The following ATXN1 variants were observed in gnomAD, a reference collection of about 807,000 sequenced individuals.
The protein encoded by ATXN1 is ataxin 1.
In ATXN1, 8 loss-of-function variants were observed where a neutral mutation model predicts 56.4. The observed-to-expected ratio is 0.14, with a 90% CI of 0.08 to 0.26. The LOEUF (loss-of-function observed/expected upper bound fraction) is 0.26, where lower values mean the gene tolerates loss of function less well. ATXN1 is among the 10% of genes least tolerant of loss of function. The pLI, the probability that ATXN1 is intolerant of heterozygous loss-of-function variation, is 1.00. For synonymous variants in ATXN1, 514 were observed against 494.6 expected (o/e 1.04, Z -0.52); for missense variants, 987 against 1,106.5 (o/e 0.89, Z 1.53).
intron 3 of ATXN1, among the ~76,000 whole-genome samples, chr6:16,618,576 C>T (rs997173381): frequency 6.6e-6 from 1 of 152,074 alleles, no homozygotes; most frequent in Non-Finnish European, 1.5e-5. Flanking sequence ...ACTAAAAATA[C>T]AAGAAATTAG....
intron 2 of ATXN1, among the ~76,000 whole-genome samples, chr6:16,679,515 G>A (rs529080965): frequency 3.3e-5 from 5 of 152,204 alleles, no homozygotes; most frequent in African/African-American, 1.2e-4. Flanking sequence ...GGGCGGTTAA[G>A]TTCAAAAGTT....
intron 3 of ATXN1, among the ~76,000 whole-genome samples, chr6:16,634,047 C>T (rs1358528266): frequency 3.9e-5 from 6 of 152,232 alleles, no homozygotes; most frequent in Admixed American, 3.3e-4. Context: ...TCCAGTTGAA[C>T]AAACCTATTA....
intron 6 of ATXN1, among the ~76,000 whole-genome samples, chr6:16,373,761 T>C (rs1431373279): frequency 4.6e-5 from 7 of 152,300 alleles, no homozygotes; most frequent in East Asian, 1.9e-4. Flanking sequence ...TCCACCATGA[T>C]TGTGAAGCCT....
At chr6:16,653,398 G>A (rs997673426) in intron 3 of ATXN1, among the ~76,000 whole-genome samples, 1 of 152,218 alleles carries the variant, frequency 6.6e-6, no homozygotes, top group South Asian at 2.1e-4. Context: ...ATCCTTTTCA[G>A]CAGCGGGACC....
At chr6:16,611,192 T>C (rs1477201535) in intron 3 of ATXN1, among the ~76,000 whole-genome samples, 1 of 152,150 alleles carries the variant, frequency 6.6e-6, no homozygotes, top group Non-Finnish European at 1.5e-5. Flanking sequence ...TATCTAACTT[T>C]AAAAAAGAAA....
intron 4 of ATXN1, among the ~76,000 whole-genome samples, chr6:16,556,646 C>T (rs1350880802): frequency 6.6e-6 from 1 of 152,164 alleles, no homozygotes; most frequent in Non-Finnish European, 1.5e-5. Context: ...AAACAGGCTC[C>T]ACCCCAAAGG....
chr6:16,699,876 A>C (rs1759246085), intron 2 of ATXN1, among the ~76,000 whole-genome samples: 1 of 152,170 alleles, frequency 6.6e-6, no homozygotes, highest in Non-Finnish European at 1.5e-5. Flanking sequence ...ACATTTTTTT[A>C]ATGTAAATTT....
At chr6:16,467,855 C>T (rs1760138021) in intron 6 of ATXN1, among the ~76,000 whole-genome samples, 1 of 152,176 alleles carries the variant, frequency 6.6e-6, no homozygotes, top group Non-Finnish European at 1.5e-5. Flanking sequence ...AAAAGCTGAA[C>T]CACTGCCTAC....
intron 2 of ATXN1, among the ~76,000 whole-genome samples, chr6:16,706,733 A>AT (rs1759416418): frequency 1.1e-5 from 1 of 90,384 alleles, no homozygotes; most frequent in Non-Finnish European, 2.3e-5. Context: ...CAAAAAAAAA[A>AT]AAAAAAAGGA....
chr6:16,754,001 A>G (rs1760806278), intron 1 of ATXN1: 1 of 152,258 alleles, frequency 6.6e-6, no homozygotes, highest in Non-Finnish European at 1.5e-5. Context: ...TGAATGTGTG[A>G]ATGGATGAAT....
intron 2 of ATXN1, among the ~76,000 whole-genome samples, chr6:16,728,375 A>G (rs931577379): frequency 6.6e-6 from 1 of 152,198 alleles, no homozygotes; most frequent in African/African-American, 2.4e-5. Flanking sequence ...GGGCAGAATG[A>G]GGACAGGTAA....
intron 7 of ATXN1, among the ~76,000 whole-genome samples, chr6:16,323,688 C>A (rs1197552584): frequency 6.6e-6 from 1 of 152,154 alleles, no homozygotes; most frequent in African/African-American, 2.4e-5. Context: ...AACAAAACCT[C>A]TTTTCACACC....
intron 6 of ATXN1, among the ~76,000 whole-genome samples, chr6:16,362,057 C>T (rs1305016185): frequency 2.0e-5 from 3 of 152,154 alleles, no homozygotes; most frequent in East Asian, 1.9e-4. Flanking sequence ...CTGGGTGAGC[C>T]GGGTCAGCCC....
chr6:16,649,317 C>T (rs1170257054), intron 3 of ATXN1, among the ~76,000 whole-genome samples: 1 of 151,888 alleles, frequency 6.6e-6, no homozygotes, highest in Non-Finnish European at 1.5e-5. Context: ...ATTCCTAGAG[C>T]AGAGTAGCCT....
At chr6:16,626,761 TA>T (rs1412789310) in intron 3 of ATXN1, among the ~76,000 whole-genome samples, 1 of 152,086 alleles carries the variant, frequency 6.6e-6, no homozygotes, top group Non-Finnish European at 1.5e-5. Context: ...GAGAGGTAAT[TA>T]AAACAAAATA....
chr6:16,742,168 GA>G lies in ATXN1; in HGVS notation c.-615+11064del, dbSNP rs1051191163. On this transcript the variant is annotated intron_variant, in intron 2 of 7. Transcript: ENST00000436367. Reference sequence around the variant, plus strand: ...TATGGGTCTATGACCACTTACAAAAGAAAAAAAAAATCCAAATCAAACCAAA... The same window carrying G: ...TATGGGTCTATGACCACTTACAAAAGAAAAAAAAATCCAAATCAAACCAAA... Among the ~76,000 whole-genome samples, 397 of 148,224 alleles carry G rather than the reference GA, an allele frequency of 2.7e-3. 3 individuals are homozygous for G. Among genetic ancestry groups the G allele is most frequent in the African/African-American group, 8.4e-3 (339 of 40,444 alleles).
intron 6 of ATXN1, among the ~76,000 whole-genome samples, chr6:16,435,513 C>T (rs948156669): frequency 6.6e-6 from 1 of 151,934 alleles, no homozygotes; most frequent in Admixed American, 6.6e-5. Flanking sequence ...TTCAGGAAGC[C>T]AAGGGAGGAA....
Position 16,679,822 on chromosome 6 carries a change from A to G in ATXN1, c.-614-21921T>C, listed in dbSNP as rs555498033. 5.9e-5 allele frequency among the ~76,000 whole-genome samples: 9 copies of G among 152,364 alleles called. No individual in the cohort carries two copies. In the East Asian group the frequency reaches 1.7e-3, roughly 29 times the overall value. ...GGTGTTTTCCAGCAAGTATTACTTC[A>G]TTCTGTTGTAATAGTAAGCTTCTTT... is the stretch of plus-strand genomic sequence containing the variant. On this transcript the variant is annotated intron_variant, in intron 2 of 7. Coordinates refer to ENST00000436367, the MANE Select transcript of ATXN1 (RefSeq NM_001128164.2).
intron 3 of ATXN1, among the ~76,000 whole-genome samples, chr6:16,607,546 T>C (rs3806141): frequency 0.61 from 92,520 of 152,014 alleles, 29,864 homozygotes; most frequent in East Asian, 0.88. Flanking sequence ...GTGTCTGGGG[T>C]GGGTGGGAAA....
Sources: gnomAD v4.1 joint callset for allele counts (sites outside exome capture counted in the v4.1 genomes callset) on GRCh38, gnomAD v4.1.1 for gene constraint, MANE v1.5 for transcripts, NCBI Gene and HGNC (gene_info 2026-07-23, HGNC 2026-07-21) for gene names.